Variants in PPP1R42 observed in about 807,000 individuals in gnomAD.
PPP1R42 encodes leucine rich repeat containing 67.
A neutral mutation model predicts 31.0 loss-of-function variants in PPP1R42; 34 were observed. The observed-to-expected ratio is 1.10, with a 90% CI of 0.83 to 1.46. PPP1R42 has a LOEUF of 1.46. Among genes scored for constraint, PPP1R42 ranks in the 40% most tolerant of loss-of-function variants. PPP1R42 has a pLI of 0.00. For missense variants in PPP1R42, 268 were observed against 303.0 expected (o/e 0.88, Z 0.86); for synonymous variants, 103 against 109.8 (o/e 0.94, Z 0.39).
intron 1 of PPP1R42, among the ~76,000 whole-genome samples, chr8:67,018,103 G>A (rs1376721558): frequency 2.6e-5 from 4 of 151,034 alleles, no homozygotes; most frequent in Non-Finnish European, 5.9e-5. Context: ...ATCATTGCAA[G>A]TATCTTTTTT....
Position 67,017,839 on chromosome 8 carries a change from T to A in PPP1R42, c.-84-8A>T. ...GGTATTATTTCCAACTTTCTGAAGATTAAAGAAAAAAGGAGCATTATGATA... is the reference window on the plus strand; with the variant it reads ...GGTATTATTTCCAACTTTCTGAAGAATAAAGAAAAAAGGAGCATTATGATA... On this transcript the variant is annotated splice_polypyrimidine_tract_variant and splice_region_variant and intron_variant, in intron 1 of 7. Transcript: ENST00000685739. 4 of 1,358,346 alleles carry A rather than the reference T, an allele frequency of 2.9e-6. No individual in the cohort carries two copies. Among genetic ancestry groups the A allele is most frequent in the Admixed American group, 2.9e-5 (1 of 34,266 alleles). The allele number at this position is 1,358,346 out of a possible 1,614,324, so 84.1% of individuals were successfully genotyped here. A position where few individuals can be genotyped will look rare whatever the true frequency, so the allele number is the denominator to read the frequency against.
At chr8:66,982,581 C>A (rs567476757) in intron 6 of PPP1R42, among the ~76,000 whole-genome samples, 1 of 151,962 alleles carries the variant, frequency 6.6e-6, no homozygotes, top group African/African-American at 2.4e-5. Flanking sequence ...CTCAGCCTCC[C>A]GAATAGCTGG....
chr8:67,005,275 T>G (rs942370499), intron 5 of PPP1R42, among the ~76,000 whole-genome samples: 4 of 152,100 alleles, frequency 2.6e-5, no homozygotes, highest in African/African-American at 9.7e-5. Flanking sequence ...CCATTCAATA[T>G]CATTCAGTGC....
intron 2 of PPP1R42, among the ~76,000 whole-genome samples, chr8:67,015,100 C>A (rs1015012369): frequency 1.3e-5 from 2 of 152,060 alleles, no homozygotes; most frequent in Non-Finnish European, 2.9e-5. Flanking sequence ...CTCACCATAA[C>A]CTCCGCCTCC....
At chr8:67,018,902 T>C (rs1025667216) in intron 1 of PPP1R42, among the ~76,000 whole-genome samples, 11 of 144,426 alleles carry the variant, frequency 7.6e-5, no homozygotes, top group Admixed American at 6.6e-4. Flanking sequence ...CAATCTCGGC[T>C]CACCGCAACC....
chr8:66,986,091 T>C (rs1251993558), intron 6 of PPP1R42: 5 of 723,664 alleles, frequency 6.9e-6, no homozygotes, highest in East Asian at 5.3e-5. Flanking sequence ...GGCTGCCTTC[T>C]TCTTGTCCAT....
intron 6 of PPP1R42, chr8:66,984,920 A>G (rs879174923): frequency 2.0e-6 from 3 of 1,528,278 alleles, no homozygotes; most frequent in Non-Finnish European, 2.7e-6. Context: ...TACACTCCCA[A>G]AGTAACTGGT....
intron 7 of PPP1R42, among the ~76,000 whole-genome samples, chr8:66,977,199 A>AT (rs368083559): frequency 2.6e-5 from 4 of 151,026 alleles, no homozygotes; most frequent in African/African-American, 4.9e-5. Context: ...CGCTCAGCTA[A>AT]TTTTTTTTGT....
chr8:66,969,702 G>A (rs1325956295), intron 7 of PPP1R42, among the ~76,000 whole-genome samples: 1 of 152,146 alleles, frequency 6.6e-6, no homozygotes, highest in African/African-American at 2.4e-5. Flanking sequence ...GGGACCCTTC[G>A]AAGAGGGTGT....
chr8:66,967,818 T>C (rs1411662560), intron 7 of PPP1R42, among the ~76,000 whole-genome samples: 1 of 152,110 alleles, frequency 6.6e-6, no homozygotes, highest in African/African-American at 2.4e-5. Context: ...AAGAGATGGA[T>C]TGACTCTATT....
chr8:66,997,476 A>C (rs1815365363), intron 5 of PPP1R42, among the ~76,000 whole-genome samples: 1 of 151,710 alleles, frequency 6.6e-6, no homozygotes, highest in Non-Finnish European at 1.5e-5. Context: ...ATTAAAAAAA[A>C]AGAGTGATTC....
chr8:66,969,543 A>G (rs1275690102), intron 7 of PPP1R42, among the ~76,000 whole-genome samples: 1 of 152,226 alleles, frequency 6.6e-6, no homozygotes, highest in Non-Finnish European at 1.5e-5. Flanking sequence ...AGCATTTTCC[A>G]TACCCACAGA....
At chr8:67,013,793 T>C (rs1815917213) in intron 3 of PPP1R42, among the ~76,000 whole-genome samples, 1 of 152,144 alleles carries the variant, frequency 6.6e-6, no homozygotes, top group South Asian at 2.1e-4. Context: ...GATATGTAGG[T>C]TGGAACCCAG....
At chr8:67,015,556 TTTC>T (rs1815989272) in intron 2 of PPP1R42, among the ~76,000 whole-genome samples, 1 of 152,056 alleles carries the variant, frequency 6.6e-6, no homozygotes, top group Admixed American at 6.6e-5. Context: ...GATTACATTC[TTTC>T]TTATTATATG....
At chr8:67,002,799 T>C (rs1815539578) in intron 5 of PPP1R42, among the ~76,000 whole-genome samples, 1 of 150,614 alleles carries the variant, frequency 6.6e-6, no homozygotes, top group African/African-American at 2.4e-5. Flanking sequence ...TTAAATTCGC[T>C]GATCTTTTCT....
chr8:67,015,738 A>G (rs1815998732), intron 2 of PPP1R42, among the ~76,000 whole-genome samples: 1 of 151,900 alleles, frequency 6.6e-6, no homozygotes, highest in South Asian at 2.1e-4. Context: ...GTTACTTTTG[A>G]GATAAAATAA....
chr8:67,024,008 TG>T lies in PPP1R42; in HGVS notation c.-85+4482del, dbSNP rs1352158444. 1.1e-4 allele frequency among the ~76,000 whole-genome samples: 17 copies of T among 152,094 alleles called. No individual in the cohort carries two copies. In the East Asian group the frequency reaches 3.3e-3, roughly 30 times the overall value. ...AAATACAAAAAAAATTAGCCGGGCATGGTGGCGCGCACCTGTAGTCCCAGCT... is the reference window on the plus strand; with the variant it reads ...AAATACAAAAAAAATTAGCCGGGCATGTGGCGCGCACCTGTAGTCCCAGCT... On this transcript the variant is annotated intron_variant, in intron 1 of 7. Coordinates refer to ENST00000685739, the MANE Select transcript of PPP1R42 (RefSeq NM_001364910.1).
At chr8:67,011,337 C>A (rs1450296032) in intron 4 of PPP1R42, among the ~76,000 whole-genome samples, 1 of 152,100 alleles carries the variant, frequency 6.6e-6, no homozygotes, top group African/African-American at 2.4e-5. Context: ...ACCAGCCTGG[C>A]CAACATGGTG....
rs781238184 is a variant in PPP1R42, at chr8:67,012,954, T to C, written c.435+4A>G. On this transcript the variant is annotated splice_donor_region_variant and intron_variant, in intron 4 of 7. Coordinates refer to ENST00000685739, the MANE Select transcript of PPP1R42 (RefSeq NM_001364910.1). ...CTTGTCAAAATATTCAAATGTGAAC[T>C]TACTGCCAGAGAATGAAGAGTTCTT... The C allele has an allele frequency of 1.9e-5, 31 of 1,592,400 alleles. No homozygotes were observed. Among genetic ancestry groups the C allele is most frequent in the Non-Finnish European group, 2.5e-5 (29 of 1,174,014 alleles).
Sources: gnomAD v4.1 joint callset for allele counts (sites outside exome capture counted in the v4.1 genomes callset) on GRCh38, gnomAD v4.1.1 for gene constraint, MANE v1.5 for transcripts, NCBI Gene and HGNC (gene_info 2026-07-23, HGNC 2026-07-21) for gene names.